The following SGSH variants were observed in gnomAD, a reference collection of about 807,000 sequenced individuals.
SGSH encodes the protein N-sulfoglucosamine sulfohydrolase, also known as heparan sulfate sulfatase.
In SGSH, 48 loss-of-function variants were observed where a neutral mutation model predicts 51.0. The observed-to-expected ratio is 0.94, with a 90% CI of 0.75 to 1.20. SGSH has a LOEUF of 1.20. Among genes scored for constraint, SGSH ranks in the 50% most tolerant of loss-of-function variants. The pLI is 0.00. For synonymous variants in SGSH, 321 were observed against 313.4 expected (o/e 1.02, Z -0.26); for missense variants, 662 against 717.8 (o/e 0.92, Z 0.89).
At position 80,209,339 on chromosome 17, in the gene SGSH, T is replaced by C. The variant is rs1449470677; in HGVS notation, c.*1113A>G. On this transcript the variant is annotated 3_prime_UTR_variant, in exon 8 of 8. Coordinates refer to ENST00000326317, the MANE Select transcript of SGSH (RefSeq NM_000199.5). ...TAAAAAGCTTTTACAATAGCTGGCCTGTGGCCTCCTCCAGCCCACCCCAGT... is the reference window on the plus strand; with the variant it reads ...TAAAAAGCTTTTACAATAGCTGGCCCGTGGCCTCCTCCAGCCCACCCCAGT... 3 of 985,286 alleles carry C rather than the reference T, an allele frequency of 3.0e-6. No homozygotes were observed. The highest frequency in any genetic ancestry group is 1.7e-5 in the African/African-American group (1 of 57,234). The allele number at this position is 985,286 out of a possible 1,614,324, so 61.0% of individuals were successfully genotyped here.
Position 80,213,584 on chromosome 17 carries a change from G to A in SGSH, c.745+220C>T. ...CACGCAACCTCTGGGGCACCCGAAG[G>A]CCCCAGCCCAGGAGCAGGTCCACAT... On this transcript the variant is annotated intron_variant, in intron 6 of 7. Transcript: ENST00000326317. The surrounding 1 kb of genome is among the most constrained non-coding windows in gnomAD (Gnocchi z 4.6). The A allele has an allele frequency of 1.7e-6, 1 of 590,622 alleles. No homozygotes were observed. Among genetic ancestry groups the A allele is most frequent in the Non-Finnish European group, 3.0e-6 (1 of 330,644 alleles). 36.6% of individuals were successfully genotyped at this position (590,622 alleles called of 1,614,324 possible). A position where few individuals can be genotyped will look rare whatever the true frequency, so the allele number is the denominator to read the frequency against.
downstream of SGSH, chr17:80,204,158 C>T: frequency 1.4e-6 from 2 of 1,457,740 alleles, no homozygotes; most frequent in Non-Finnish European, 1.9e-6. Flanking sequence ...CCAATCATCT[C>T]CCCTGAATTC....
At chr17:80,216,099 C>T (rs532400680) in intron 2 of SGSH, among the ~76,000 whole-genome samples, 7 of 152,068 alleles carry the variant, frequency 4.6e-5, no homozygotes, top group African/African-American at 1.2e-4. Context: ...GAGGTCGAGG[C>T]GGGCAGATCA....
chr17:80,218,321 C>T (rs1459608647), intron 1 of SGSH, among the ~76,000 whole-genome samples: 1 of 152,242 alleles, frequency 6.6e-6, no homozygotes, highest in African/African-American at 2.4e-5. Flanking sequence ...CTACACAAAG[C>T]AGCTGAGGCC....
chr17:80,217,250 T>C, intron 1 of SGSH, 58 bp from the exon 2 acceptor site: 1 of 1,557,450 alleles, frequency 6.4e-7, no homozygotes, highest in Non-Finnish European at 8.6e-7. Context: ...GAAACAGCAC[T>C]GGGAGTGAGG....
At chr17:80,201,806 G>C, downstream of SGSH, 1 of 1,614,092 alleles carries the variant, frequency 6.2e-7, no homozygotes, top group South Asian at 1.1e-5. The surrounding 1 kb of genome is among the most constrained non-coding windows in gnomAD (Gnocchi z 5.0). Flanking sequence ...CCCTGGAGGA[G>C]GCCGTGGGGC....
rs1350962931 is a variant in SGSH at position 80,212,688 on chromosome 17, G to A, written c.746-414C>T. On this transcript the variant is annotated intron_variant, in intron 6 of 7. Coordinates refer to ENST00000326317, the MANE Select transcript of SGSH (RefSeq NM_000199.5). This position sits in a 1 kb window ranked among gnomAD's most constrained non-coding sequence, Gnocchi z 5.9. Reference sequence around the variant, plus strand: ...AGAGGACAAGGCTTCCTCTATACCCGCTCCTTCCCAGCTCACTAAGAATTA... The same window carrying A: ...AGAGGACAAGGCTTCCTCTATACCCACTCCTTCCCAGCTCACTAAGAATTA... 1.3e-5 allele frequency: 4 copies of A among 314,778 alleles called. No individual in the cohort carries two copies. Among genetic ancestry groups the A allele is most frequent in the African/African-American group, 4.3e-5 (2 of 46,390 alleles). The allele number at this position is 314,778 out of a possible 1,614,324, so 19.5% of individuals were successfully genotyped here.
intron 1 of SGSH, among the ~76,000 whole-genome samples, chr17:80,219,071 G>C (rs1481224495): frequency 7.1e-6 from 1 of 141,842 alleles, no homozygotes; most frequent in Non-Finnish European, 1.5e-5. Flanking sequence ...GAGGCAGGAG[G>C]ATCGCTTGAG....
In SGSH at chr17:80,209,471, C is replaced by G; in HGVS notation, c.*981G>C. 1.0e-6 allele frequency: 1 copy of G among 985,568 alleles called. No homozygotes were observed. Among genetic ancestry groups the G allele is most frequent in the Non-Finnish European group, 1.2e-6 (1 of 830,090 alleles). 61.1% of individuals were successfully genotyped at this position (985,568 alleles called of 1,614,324 possible). ...GGGGTGTCCAGGCCGGGCTTCTGCT[C>G]CCGAGGTGGGTGGAGGCAGGGCAGG... On this transcript the variant is annotated 3_prime_UTR_variant, in exon 8 of 8. Transcript: ENST00000326317.
At chr17:80,203,968 G>A (rs1310763895), downstream of SGSH, 26 of 1,139,890 alleles carry the variant, frequency 2.3e-5, no homozygotes, top group South Asian at 8.3e-5. The surrounding 1 kb of genome is among the most constrained non-coding windows in gnomAD (Gnocchi z 4.6). Flanking sequence ...AGGAGGCACT[G>A]TGTGGAGAGT....
chr17:80,205,102 T>A, downstream of SGSH: 1 of 1,613,572 alleles, frequency 6.2e-7, no homozygotes, highest in Non-Finnish European at 8.5e-7. Flanking sequence ...TGCGGCCCCA[T>A]CGACCCGCCC....
chr17:80,203,741 C>G (rs971862848), downstream of SGSH: 87 of 1,070,636 alleles, frequency 8.1e-5, no homozygotes, highest in Middle Eastern at 2.5e-4. This position sits in a 1 kb window ranked among gnomAD's most constrained non-coding sequence, Gnocchi z 4.6. Context: ...CCATCTCCCC[C>G]ACTCTCCCCT....
At position 80,215,067 on chromosome 17, in the gene SGSH, C is replaced by T; in HGVS notation, c.321G>A (p.Leu107=). 3.7e-6 allele frequency: 6 copies of T among 1,612,068 alleles called. No individual in the cohort carries two copies. The highest frequency in any genetic ancestry group is 5.1e-6 in the Non-Finnish European group (6 of 1,179,916). Residue 107 remains leucine, a synonymous_variant, in exon 3 of 8, where the codon CTG becomes CTA. Transcript: ENST00000326317. ...HFNSFDKVRS[L]PLLLSQAGVR... ...CACCAGCTTGGCTGAGCAGCAGCGG[C>T]AGGCTCCGCACCTTGTCGAAGGAGT...
chr17:80,217,904 A>G (rs1333063213), intron 1 of SGSH, among the ~76,000 whole-genome samples: 1 of 152,046 alleles, frequency 6.6e-6, no homozygotes, highest in Non-Finnish European at 1.5e-5. Context: ...GCAGGTGGGC[A>G]TGGTACACAG....
chr17:80,205,162 C>G (rs755430374), downstream of SGSH: 1 of 1,613,736 alleles, frequency 6.2e-7, no homozygotes, highest in Non-Finnish European at 8.5e-7. Context: ...AGATCCTGAG[C>G]GAGAAACTGT....
chr17:80,212,059 A>AC lies in SGSH; in HGVS notation c.949+11dup, dbSNP rs1425372453. On this transcript the variant is annotated intron_variant, in intron 7 of 7. Transcript: ENST00000326317. This position sits in a 1 kb window ranked among gnomAD's most constrained non-coding sequence, Gnocchi z 5.9. ...CCCACACCTTTCCTGACGGAGACAG[A>AC]CAAAGGCATACCTAGGAGGCTCACG... The AC allele has an allele frequency of 1.2e-6, 2 of 1,611,844 alleles. No individual in the cohort carries two copies. Among genetic ancestry groups the AC allele is most frequent in the East Asian group, 2.2e-5 (1 of 44,878 alleles).
intron 1 of SGSH, among the ~76,000 whole-genome samples, chr17:80,218,940 G>C (rs977080419): frequency 2.0e-5 from 3 of 152,028 alleles, no homozygotes; most frequent in Non-Finnish European, 2.9e-5. Flanking sequence ...CAGGAAGATT[G>C]CTTGAGCCCA....
downstream of SGSH, chr17:80,208,315 G>C: frequency 2.5e-6 from 4 of 1,605,982 alleles, no homozygotes; most frequent in Non-Finnish European, 8.5e-7. Flanking sequence ...AGCAGAAGAA[G>C]GTGGTGTGGA....
chr17:80,211,120 C>T (rs976125209), intron 7 of SGSH, 109 bp from the exon 8 acceptor site: 68 of 1,537,776 alleles, frequency 4.4e-5, no homozygotes, highest in Admixed American at 2.9e-4. Context: ...CCAATCCAAT[C>T]AGCAGCGGGA....
Sources: allele counts gnomAD v4.1 joint callset (sites outside exome capture counted in the v4.1 genomes callset), GRCh38; gene constraint gnomAD v4.1.1; non-coding constraint Gnocchi (gnomAD v3.1); transcripts MANE v1.5; gene names NCBI Gene and HGNC (gene_info 2026-07-23, HGNC 2026-07-21).